Variants in ECE1 observed in about 807,000 individuals in gnomAD.
ECE1 encodes endothelin converting enzyme 1.
Under a neutral mutation model 98.6 loss-of-function variants are expected in ECE1, and 35 were observed. That is an observed-to-expected ratio of 0.35 (90% CI 0.27 to 0.47). ECE1 has a LOEUF of 0.47. Ranked by LOEUF, ECE1 falls within the 20% of genes least tolerant of loss-of-function variation. ECE1 has a pLI of 1.00. For missense variants in ECE1, 814 were observed against 1,025.3 expected (o/e 0.79, Z 2.81); for synonymous variants, 394 against 407.1 (o/e 0.97, Z 0.39).
In ECE1 at chr1:21,258,844, G is replaced by A; in HGVS notation, c.616-5C>T. ...TGTGATGTTCCAGCCCCCGAGCTGT[G>A]GGGAGGGAGAGCAGGCAGGGAGGTG... On this transcript the variant is annotated splice_region_variant and splice_polypyrimidine_tract_variant and intron_variant, in intron 5 of 18. Coordinates refer to ENST00000374893, the MANE Select transcript of ECE1 (RefSeq NM_001397.3). The surrounding 1 kb of genome is among the most constrained non-coding windows in gnomAD (Gnocchi z 4.2). The A allele has an allele frequency of 6.2e-7, 1 of 1,614,130 alleles. No homozygotes were observed. The highest frequency in any genetic ancestry group is 8.5e-7 in the Non-Finnish European group (1 of 1,180,012).
At chr1:21,278,809 G>A (rs1553364586) in intron 3 of ECE1, among the ~76,000 whole-genome samples, 1 of 152,206 alleles carries the variant, frequency 6.6e-6, no homozygotes, top group Non-Finnish European at 1.5e-5. Context: ...AGTACCCAGA[G>A]CTAAAGTTGA....
intron 1 of ECE1, among the ~76,000 whole-genome samples, chr1:21,314,089 G>C (rs528403709): frequency 6.6e-6 from 1 of 152,326 alleles, no homozygotes; most frequent in South Asian, 2.1e-4. Flanking sequence ...AGCACTTTAC[G>C]TGTGTTTTCT....
At chr1:21,273,194 A>G (rs987381656) in intron 3 of ECE1, among the ~76,000 whole-genome samples, 3 of 152,264 alleles carry the variant, frequency 2.0e-5, no homozygotes, top group Non-Finnish European at 4.4e-5. Context: ...TTGACTCTTT[A>G]TTATTCCTTG....
intron 1 of ECE1, among the ~76,000 whole-genome samples, chr1:21,309,440 G>A (rs1357613474): frequency 6.6e-6 from 1 of 152,256 alleles, no homozygotes; most frequent in African/African-American, 2.4e-5. Flanking sequence ...TACCCAGAAA[G>A]TGTTTGGAGT....
rs753317579 is a variant in ECE1, at chr1:21,258,771, G to A, written c.684C>T (p.Thr228=). The change falls in exon 6 of 19, where the codon ACC becomes ACT. Residue 228 remains threonine (T), a synonymous_variant. Coordinates refer to ENST00000374893, the MANE Select transcript of ECE1 (RefSeq NM_001397.3). This position sits in a 1 kb window ranked among gnomAD's most constrained non-coding sequence, Gnocchi z 4.2. ...DNFQDTLQVV[T]AHYRTSPFFS... Reference sequence around the variant, plus strand: ...AGAAGGGTGAGGTGCGGTAGTGGGCGGTGACCACCTGCAGGGTGTCCTGGA... The same window carrying A: ...AGAAGGGTGAGGTGCGGTAGTGGGCAGTGACCACCTGCAGGGTGTCCTGGA... 24 of 1,614,082 alleles carry A rather than the reference G, an allele frequency of 1.5e-5. No individual in the cohort carries two copies. The highest frequency in any genetic ancestry group is 8.9e-5 in the East Asian group (4 of 44,902).
At position 21,233,765 on chromosome 1, in the gene ECE1, C is replaced by T. The variant is rs922091736; in HGVS notation, c.1567-104G>A. On this transcript the variant is annotated intron_variant, in intron 13 of 18. Transcript: ENST00000374893. This position sits in a 1 kb window ranked among gnomAD's most constrained non-coding sequence, Gnocchi z 4.0. ...CATGGTTAAGAGATTAATCTGCAGGCTGGAGACCGGAATGCAGGGCTTGGG... is the reference window on the plus strand; with the variant it reads ...CATGGTTAAGAGATTAATCTGCAGGTTGGAGACCGGAATGCAGGGCTTGGG... 4.6e-6 allele frequency: 5 copies of T among 1,081,664 alleles called. No individual in the cohort carries two copies. The African/African-American group carries it at 6.2e-5, about 13-fold the overall frequency. 67.0% of individuals were successfully genotyped at this position (1,081,664 alleles called of 1,614,324 possible).
chr1:21,309,805 G>A (rs1437809469), intron 1 of ECE1, among the ~76,000 whole-genome samples: 1 of 117,318 alleles, frequency 8.5e-6, no homozygotes, highest in Non-Finnish European at 1.7e-5. Flanking sequence ...TTTTTGAGAC[G>A]TTTTGAGACG....
chr1:21,345,077 C>G lies in ECE1; in HGVS notation c.3+299G>C. The G allele has an allele frequency of 4.6e-6, 1 of 215,348 alleles. No homozygotes were observed. Among genetic ancestry groups the G allele is most frequent in the Non-Finnish European group, 9.0e-6 (1 of 111,440 alleles). 13.3% of individuals were successfully genotyped at this position (215,348 alleles called of 1,614,324 possible). ...GACTTCAGAACAACCCAAAACAGAC[C>G]GCAGCAACCGTCCCCAAAGCGAACC... On this transcript the variant is annotated intron_variant, in intron 1 of 18. Coordinates refer to the ECE1 transcript ENST00000415912. The surrounding 1 kb of genome is among the most constrained non-coding windows in gnomAD (Gnocchi z 5.1).
rs10159186 is a variant in ECE1, at chr1:21,323,968, C to T, written c.3+21408G>A. Among the ~76,000 whole-genome samples, 591 of 151,980 alleles carry T rather than the reference C, an allele frequency of 3.9e-3. 8 individuals are homozygous for T. The highest frequency in any genetic ancestry group is 0.013 in the African/African-American group (534 of 41,446). On this transcript the variant is annotated intron_variant, in intron 1 of 18. Coordinates refer to the ECE1 transcript ENST00000415912. Reference sequence around the variant, plus strand: ...TTGAGTAGCTGGGATTACAGGTATGCACCACCATGCCCGGCTAATTTTTTT... The same window carrying T: ...TTGAGTAGCTGGGATTACAGGTATGTACCACCATGCCCGGCTAATTTTTTT...
In ECE1 at chr1:21,335,100, C is replaced by G. The variant is rs570265075; in HGVS notation, c.3+10276G>C. 2.6e-5 allele frequency among the ~76,000 whole-genome samples: 4 copies of G among 152,110 alleles called. No individual in the cohort carries two copies. In the East Asian group the frequency reaches 7.7e-4, roughly 29 times the overall value. On this transcript the variant is annotated intron_variant, in intron 1 of 18. Coordinates refer to the ECE1 transcript ENST00000415912. ...CCCTCCACCCTCCACTGCCTCTGCC[C>G]GGCCACACCAGCGTTCACCCCCTAC...
At chr1:21,318,806 G>A (rs1170712193) in intron 1 of ECE1, among the ~76,000 whole-genome samples, 3 of 152,164 alleles carry the variant, frequency 2.0e-5, no homozygotes, top group Non-Finnish European at 4.4e-5. Context: ...AGCGGACGGG[G>A]GAGGGGATTT....
At chr1:21,281,937 C>T (rs1007283539) in intron 2 of ECE1, among the ~76,000 whole-genome samples, 4 of 152,162 alleles carry the variant, frequency 2.6e-5, no homozygotes, top group Admixed American at 2.0e-4. Flanking sequence ...CATCGTGATC[C>T]ACCCGCCTCA....
At position 21,241,761 on chromosome 1, in the gene ECE1, T is replaced by C. The variant is rs569789138; in HGVS notation, c.1278+3228A>G. 5.9e-5 allele frequency among the ~76,000 whole-genome samples: 9 copies of C among 152,298 alleles called. No individual in the cohort carries two copies. The South Asian group carries it at 1.9e-3, about 32-fold the overall frequency. ...TTGAACTCAGAAAGTCCGGCTCCAATGTCTTCCTTCAAAGAGGCCACGCTC... is the reference window on the plus strand; with the variant it reads ...TTGAACTCAGAAAGTCCGGCTCCAACGTCTTCCTTCAAAGAGGCCACGCTC... On this transcript the variant is annotated intron_variant, in intron 10 of 18. Coordinates refer to ENST00000374893, the MANE Select transcript of ECE1 (RefSeq NM_001397.3).
chr1:21,313,333 C>T (rs1043685582), intron 1 of ECE1, among the ~76,000 whole-genome samples: 2 of 152,198 alleles, frequency 1.3e-5, no homozygotes, highest in African/African-American at 2.4e-5. Context: ...CTCCATCCCC[C>T]TCAAGACACA....
rs1638627627 is a variant in ECE1, at chr1:21,307,596, C to T, written c.4-17440G>A. ...GGGGCCTCCAGAGGACATTTTCTTGCACCCCAGGAGGCATTCCTGTCATTT... is the reference window on the plus strand; with the variant it reads ...GGGGCCTCCAGAGGACATTTTCTTGTACCCCAGGAGGCATTCCTGTCATTT... On this transcript the variant is annotated intron_variant, in intron 1 of 18. Coordinates refer to the ECE1 transcript ENST00000415912. The surrounding 1 kb of genome is among the most constrained non-coding windows in gnomAD (Gnocchi z 4.2). Among the ~76,000 whole-genome samples the T allele has an allele frequency of 6.6e-6, 1 of 152,198 alleles. No individual in the cohort carries two copies. The highest frequency in any genetic ancestry group is 6.5e-5 in the Admixed American group (1 of 15,286).
intron 1 of ECE1, among the ~76,000 whole-genome samples, chr1:21,320,732 G>A (rs1330978889): frequency 5.3e-5 from 8 of 152,194 alleles, no homozygotes; most frequent in Admixed American, 4.6e-4. Context: ...CTCCTATAGG[G>A]GCCGCAGCCT....
chr1:21,225,173 G>A lies in ECE1; in HGVS notation c.2040+77C>T, dbSNP rs1283553529. ...GCTGCTGCGCCTGCCCTGGTTGTCC[G>A]TGATGATCCTCTACGGACAGGCATC... On this transcript the variant is annotated intron_variant, in intron 17 of 18. Transcript: ENST00000374893. The surrounding 1 kb of genome is among the most constrained non-coding windows in gnomAD (Gnocchi z 5.3). 1.1e-5 allele frequency: 17 copies of A among 1,566,368 alleles called. No individual in the cohort carries two copies. The highest frequency in any genetic ancestry group is 1.2e-5 in the Non-Finnish European group (14 of 1,147,296).
intron 3 of ECE1, among the ~76,000 whole-genome samples, chr1:21,275,967 G>A (rs778110758): frequency 1.8e-4 from 27 of 147,466 alleles, no homozygotes; most frequent in Non-Finnish European, 2.8e-4. Flanking sequence ...TATCCTATGC[G>A]TTTTTATATT....
chr1:21,315,581 G>A (rs1638814046), intron 1 of ECE1, among the ~76,000 whole-genome samples: 1 of 152,068 alleles, frequency 6.6e-6, no homozygotes, highest in Admixed American at 6.6e-5. Flanking sequence ...ATCACTTGAG[G>A]TCAGGAGTTT....
Sources: allele counts gnomAD v4.1 joint callset (sites outside exome capture counted in the v4.1 genomes callset), GRCh38; gene constraint gnomAD v4.1.1; non-coding constraint Gnocchi (gnomAD v3.1); transcripts MANE v1.5; gene names NCBI Gene and HGNC (gene_info 2026-07-23, HGNC 2026-07-21).